The following SPIDR variants were observed in gnomAD, a reference collection of about 807,000 sequenced individuals.
SPIDR encodes the protein DNA repair-scaffolding protein.
SPIDR carries 93 observed loss-of-function variants against 104.6 expected under a neutral mutation model. The observed-to-expected ratio is 0.89, with a 90% confidence interval of 0.75 to 1.06. SPIDR has a LOEUF of 1.06. Ranked by LOEUF, SPIDR falls within the 50% of genes least tolerant of loss-of-function variation. SPIDR has a pLI of 0.00. For missense variants in SPIDR, 1,154 were observed against 1,111.2 expected (o/e 1.04, Z -0.55); for synonymous variants, 431 against 416.9 (o/e 1.03, Z -0.41).
At chr8:47,577,637 G>A (rs958766029) in intron 8 of SPIDR, among the ~76,000 whole-genome samples, 6 of 152,156 alleles carry the variant, frequency 3.9e-5, no homozygotes, top group African/African-American at 9.7e-5. Flanking sequence ...TTTTGTATCC[G>A]CGGGGATCCT....
intron 1 of SPIDR, among the ~76,000 whole-genome samples, chr8:47,270,245 C>T (rs1324710719): frequency 2.0e-5 from 3 of 152,110 alleles, no homozygotes; most frequent in African/African-American, 4.8e-5. Context: ...TATAAATCAC[C>T]GTTGTACTCT....
intron 5 of SPIDR, among the ~76,000 whole-genome samples, chr8:47,297,903 T>G (rs1208906470): frequency 1.3e-5 from 2 of 152,244 alleles, no homozygotes; most frequent in Non-Finnish European, 2.9e-5. Context: ...TTGTGAATAG[T>G]GCCGCAATAA....
At chr8:47,543,162 T>C (rs912933988) in intron 8 of SPIDR, among the ~76,000 whole-genome samples, 16 of 152,214 alleles carry the variant, frequency 1.1e-4, no homozygotes, top group Admixed American at 1.0e-3. Flanking sequence ...AAGGTAAGTT[T>C]TCACTTTTCT....
chr8:47,525,862 A>AC (rs2084908290), intron 8 of SPIDR, among the ~76,000 whole-genome samples: 3 of 152,070 alleles, frequency 2.0e-5, no homozygotes, highest in South Asian at 4.2e-4. Flanking sequence ...TCCTGAGAGA[A>AC]CACCAGGTTG....
chr8:47,309,168 A>G (rs2043665525), intron 5 of SPIDR, among the ~76,000 whole-genome samples: 1 of 152,202 alleles, frequency 6.6e-6, no homozygotes, highest in Non-Finnish European at 1.5e-5. Context: ...ATAAAAACTG[A>G]TAAAATTTAG....
intron 5 of SPIDR, among the ~76,000 whole-genome samples, chr8:47,323,259 CTG>C (rs1433807304): frequency 1.3e-5 from 2 of 152,026 alleles, no homozygotes; most frequent in Non-Finnish European, 2.9e-5. Context: ...GCATAATATT[CTG>C]TGTGAAAAAT....
chr8:47,640,142 A>G lies in SPIDR; in HGVS notation c.1545-33659A>G, dbSNP rs886964467. On this transcript the variant is annotated intron_variant, in intron 10 of 19. Coordinates refer to ENST00000297423, the MANE Select transcript of SPIDR (RefSeq NM_001080394.4). ...CCACTTAGTGTGGGCTGCAAGCTGA[A>G]TCAACACACTGGATGCCCCATTCCT... 1.8e-4 allele frequency among the ~76,000 whole-genome samples: 28 copies of G among 152,154 alleles called. 1 individual carries two copies. The highest frequency in any genetic ancestry group is 1.7e-3 in the Admixed American group (26 of 15,266).
chr8:47,523,449 T>G (rs1169097675), intron 8 of SPIDR, among the ~76,000 whole-genome samples: 1 of 152,158 alleles, frequency 6.6e-6, no homozygotes, highest in African/African-American at 2.4e-5. Flanking sequence ...TTGAAGATTA[T>G]CCATGTTTTG....
At position 47,448,641 on chromosome 8, in the gene SPIDR, T is replaced by C. The variant is rs1295598797; in HGVS notation, c.1097+8099T>C. On this transcript the variant is annotated intron_variant, in intron 8 of 19. Transcript: ENST00000297423. ...GGTAGGTCAGTAGGGTGGGTGGTTA[T>C]GTATGTGAGAGTATGTGTGTGTACC... 3.3e-5 allele frequency among the ~76,000 whole-genome samples: 5 copies of C among 151,976 alleles called. No homozygotes were observed. The East Asian group carries it at 9.6e-4, about 29-fold the overall frequency.
intron 5 of SPIDR, among the ~76,000 whole-genome samples, chr8:47,322,749 T>C (rs1374078987): frequency 6.6e-6 from 1 of 152,120 alleles, no homozygotes; most frequent in Non-Finnish European, 1.5e-5. Context: ...CATGGAATAC[T>C]ATGCAGCCAT....
At chr8:47,431,653 C>T (rs2067381832) in intron 7 of SPIDR, among the ~76,000 whole-genome samples, 1 of 152,032 alleles carries the variant, frequency 6.6e-6, no homozygotes, top group South Asian at 2.1e-4. Flanking sequence ...CCTGGTCAGT[C>T]TTGTCTACTT....
intron 10 of SPIDR, among the ~76,000 whole-genome samples, chr8:47,634,140 C>T (rs1161658713): frequency 7.2e-6 from 1 of 138,464 alleles, no homozygotes; most frequent in Non-Finnish European, 1.6e-5. Flanking sequence ...CTAGTTAGAT[C>T]CTCAATGCAA....
rs552200533 is a variant in SPIDR, at chr8:47,623,183, T to C, written c.1544+23987T>C. Among the ~76,000 whole-genome samples, 7 of 152,214 alleles carry C rather than the reference T, an allele frequency of 4.6e-5. No individual in the cohort carries two copies. In the South Asian group the frequency reaches 1.5e-3, roughly 32 times the overall value. ...AAATGATTTACCACAGACAAGCAAA[T>C]GCTGAGAGATTTTGTCACCACCAGG... On this transcript the variant is annotated intron_variant, in intron 10 of 19. Transcript: ENST00000297423.
intron 7 of SPIDR, among the ~76,000 whole-genome samples, chr8:47,411,540 T>G (rs1316062044): frequency 6.6e-6 from 1 of 152,252 alleles, no homozygotes; most frequent in Non-Finnish European, 1.5e-5. Context: ...GAGTTCATTG[T>G]AGATTCTGGA....
chr8:47,500,157 G>A (rs559313067), intron 8 of SPIDR, among the ~76,000 whole-genome samples: 18 of 152,114 alleles, frequency 1.2e-4, no homozygotes, highest in East Asian at 3.9e-4. Context: ...GGTATATACC[G>A]AGTAATGGGC....
intron 11 of SPIDR, among the ~76,000 whole-genome samples, chr8:47,675,222 G>C (rs1394171177): frequency 7.2e-5 from 11 of 152,210 alleles, no homozygotes; most frequent in Admixed American, 2.6e-4. Context: ...ATTTAGTAGA[G>C]ACAGGGTTTC....
Position 47,529,280 on chromosome 8 carries a change from T to C in SPIDR, c.1098-66531T>C, listed in dbSNP as rs370754705. Among the ~76,000 whole-genome samples, 7 of 151,866 alleles carry C rather than the reference T, an allele frequency of 4.6e-5. No homozygotes were observed. In the East Asian group the frequency reaches 1.2e-3, roughly 25 times the overall value. On this transcript the variant is annotated intron_variant, in intron 8 of 19. Coordinates refer to ENST00000297423, the MANE Select transcript of SPIDR (RefSeq NM_001080394.4). The stretch of plus-strand genomic sequence containing the variant: ...AAAAATACAAAAAATTAACCGGGCA[T>C]GGTGACACGCACCTGTAATCCCAGC...
intron 5 of SPIDR, among the ~76,000 whole-genome samples, chr8:47,393,762 T>A: frequency 6.7e-6 from 1 of 150,006 alleles, no homozygotes; most frequent in Non-Finnish European, 1.5e-5. Flanking sequence ...TCTCTTTCTT[T>A]CTGTCTTTCT....
intron 8 of SPIDR, among the ~76,000 whole-genome samples, chr8:47,464,302 A>G (rs1441060602): frequency 6.6e-6 from 1 of 152,220 alleles, no homozygotes; most frequent in Admixed American, 6.5e-5. Flanking sequence ...AAAACCACTT[A>G]GGAAAATAAG....
Sources: allele counts gnomAD v4.1 joint callset (sites outside exome capture counted in the v4.1 genomes callset), GRCh38; gene constraint gnomAD v4.1.1; transcripts MANE v1.5; gene names NCBI Gene and HGNC (gene_info 2026-07-23, HGNC 2026-07-21).